The following PODXL variants were observed in gnomAD, a reference collection of about 807,000 sequenced individuals.
The protein encoded by PODXL is podocalyxin.
PODXL carries 20 observed loss-of-function variants against 48.9 expected under a neutral mutation model. The observed-to-expected ratio is 0.41, with a 90% CI of 0.29 to 0.59. The LOEUF is 0.59. Ranked by LOEUF, PODXL falls within the 20% of genes least tolerant of loss-of-function variation. The pLI, the probability that PODXL is intolerant of heterozygous loss-of-function variation, is 0.31. For synonymous variants in PODXL, 295 were observed against 287.4 expected (o/e 1.03, Z -0.27); for missense variants, 606 against 675.1 (o/e 0.90, Z 1.13).
Position 131,504,290 on chromosome 7 carries a change from G to A in PODXL, c.*21C>T. ...TGGTCTGGAGCTCTGTGGTGCTGCTGGAGGCCACCGGCAGACCGGACTAGA... is the reference window on the plus strand; with the variant it reads ...TGGTCTGGAGCTCTGTGGTGCTGCTAGAGGCCACCGGCAGACCGGACTAGA... On this transcript the variant is annotated 3_prime_UTR_variant, in exon 9 of 9. Transcript: ENST00000378555. 1 of 1,608,980 alleles carries A rather than the reference G, an allele frequency of 6.2e-7. No individual in the cohort carries two copies. The highest frequency in any genetic ancestry group is 8.5e-7 in the Non-Finnish European group (1 of 1,176,008).
chr7:131,548,238 G>A (rs889579274), intron 1 of PODXL, among the ~76,000 whole-genome samples: 4 of 152,248 alleles, frequency 2.6e-5, no homozygotes, highest in African/African-American at 9.6e-5. Flanking sequence ...TGAGGACAGA[G>A]GGCAGCTACA....
At position 131,524,379 on chromosome 7, in the gene PODXL, C is replaced by CACAGAGAGAGAGAG. The variant is rs746255906; in HGVS notation, c.101-12947_101-12946insCTCTCTCTCTCTGT. ...ACACACACGCACACACACACACACA[C>CACAGAGAGAGAGAG]AGAGAGAGAGAGAGAGAGAGAGAGA... On this transcript the variant is annotated intron_variant, in intron 1 of 8. Coordinates refer to ENST00000378555, the MANE Select transcript of PODXL (RefSeq NM_001018111.3). Among the ~76,000 whole-genome samples the CACAGAGAGAGAGAG allele has an allele frequency of 3.2e-3, 328 of 104,090 alleles. 2 individuals carry two copies. The highest frequency in any genetic ancestry group is 4.9e-3 in the East Asian group (18 of 3,670). 68.3% of individuals were successfully genotyped at this position (104,090 alleles called of 152,430 possible). A position where few individuals can be genotyped will look rare whatever the true frequency, so the allele number is the denominator to read the frequency against.
At chr7:131,506,769 A>G in intron 5 of PODXL, 43 bp from the exon 6 acceptor site, 1 of 1,595,558 alleles carries the variant, frequency 6.3e-7, no homozygotes, top group South Asian at 1.1e-5. Context: ...GGAGCGTGAC[A>G]GCAGCCTAGG....
In PODXL at chr7:131,509,441, G is replaced by C. The variant is rs749475917; in HGVS notation, c.947C>G (p.Ser316Cys). ...GGTAGTTGATGCTGCTGTGGGGCTG[G>C]AGCTCATGGTCTCTGGCAGGGTAGG... Reference protein sequence around the residue: ...RTPTLPETMSSSPTAASTTHR... With the variant: ...RTPTLPETMSCSPTAASTTHR... Residue 316 changes from serine (S) to cysteine (C), a missense_variant, in exon 4 of 9, where the codon TCC (serine) becomes TGC (cysteine). Transcript: ENST00000378555. The C allele has an allele frequency of 2.5e-6, 4 of 1,614,014 alleles. No individual in the cohort carries two copies. Among genetic ancestry groups the C allele is most frequent in the East Asian group, 2.2e-5 (1 of 44,884 alleles).
At chr7:131,553,998 G>T (rs1798706577) in intron 1 of PODXL, among the ~76,000 whole-genome samples, 2 of 152,192 alleles carry the variant, frequency 1.3e-5, no homozygotes, top group Non-Finnish European at 2.9e-5. Context: ...CCATATATTG[G>T]AAGGTAAGCT....
chr7:131,540,951 G>A (rs536882605), intron 1 of PODXL, among the ~76,000 whole-genome samples: 2 of 152,308 alleles, frequency 1.3e-5, no homozygotes, highest in East Asian at 1.9e-4. Flanking sequence ...ATCTGCTTCC[G>A]TCTGGTGGAC....
chr7:131,501,916 C>G lies in PODXL; in HGVS notation c.*2395G>C, dbSNP rs974961094. 2 of 152,148 alleles carry G rather than the reference C, an allele frequency of 1.3e-5. No homozygotes were observed. Among genetic ancestry groups the G allele is most frequent in the South Asian group, 4.1e-4 (2 of 4,828 alleles). The allele number at this position is 152,148 out of a possible 1,614,324, so 9.4% of individuals were successfully genotyped here. A position where few individuals can be genotyped will look rare whatever the true frequency, so the allele number is the denominator to read the frequency against. On this transcript the variant is annotated 3_prime_UTR_variant, in exon 9 of 9. Transcript: ENST00000378555. ...TAAGCCTAGACTAACACAGTTTGGA[C>G]GAATATAAAGCAGTAACCTCTGAAT... is the stretch of plus-strand genomic sequence containing the variant.
chr7:131,539,798 C>G (rs1465291771), intron 1 of PODXL, among the ~76,000 whole-genome samples: 1 of 152,158 alleles, frequency 6.6e-6, no homozygotes, highest in Non-Finnish European at 1.5e-5. Flanking sequence ...CTGGTACACT[C>G]GGGGCAGCTC....
At chr7:131,521,897 T>A (rs1798098172) in intron 1 of PODXL, among the ~76,000 whole-genome samples, 1 of 152,084 alleles carries the variant, frequency 6.6e-6, no homozygotes, top group African/African-American at 2.4e-5. Flanking sequence ...TGGAGGTCAG[T>A]AAAATCTACA....
chr7:131,556,193 A>C, intron 1 of PODXL, 67 bp downstream of exon 1: 1 of 1,372,440 alleles, frequency 7.3e-7, no homozygotes, highest in South Asian at 1.7e-5. Context: ...GCTTCCCTGC[A>C]GCTCGGCCGG....
At chr7:131,546,030 C>T (rs988048116) in intron 1 of PODXL, among the ~76,000 whole-genome samples, 3 of 152,196 alleles carry the variant, frequency 2.0e-5, no homozygotes, top group Non-Finnish European at 2.9e-5. Flanking sequence ...ACTTTTCGGC[C>T]TTGTGAGGAA....
At chr7:131,509,142 T>G in intron 4 of PODXL, 114 bp from the exon 5 acceptor site, 1 of 1,003,544 alleles carries the variant, frequency 1.0e-6, no homozygotes, top group East Asian at 2.4e-5. Context: ...GCTGGAGGCA[T>G]GGCTGGACCC....
intron 1 of PODXL, among the ~76,000 whole-genome samples, chr7:131,543,632 A>G (rs765583010): frequency 1.3e-5 from 2 of 152,112 alleles, no homozygotes; most frequent in Non-Finnish European, 2.9e-5. Context: ...GCAGCTCTCC[A>G]ATCCTGTGGG....
intron 1 of PODXL, among the ~76,000 whole-genome samples, chr7:131,517,782 A>T (rs373518155): frequency 1.3e-5 from 2 of 151,314 alleles, no homozygotes; most frequent in African/African-American, 4.9e-5. Context: ...TCTGTCACCC[A>T]GGCTGGAGTA....
At chr7:131,537,325 C>G (rs2116846018) in intron 1 of PODXL, among the ~76,000 whole-genome samples, 1 of 132,884 alleles carries the variant, frequency 7.5e-6, no homozygotes, top group Admixed American at 8.3e-5. Context: ...AAAAAAAAAG[C>G]CAAGCACGGT....
chr7:131,539,501 T>A (rs1156244837), intron 1 of PODXL, among the ~76,000 whole-genome samples: 2 of 152,134 alleles, frequency 1.3e-5, no homozygotes, highest in Non-Finnish European at 2.9e-5. Context: ...CAGCTCATTT[T>A]TGTATTTTTA....
intron 5 of PODXL, 152 bp from the exon 6 acceptor site, chr7:131,506,878 GC>G: frequency 1.3e-6 from 1 of 749,710 alleles, no homozygotes; most frequent in Non-Finnish European, 2.2e-6. Context: ...ACGCAGGCCT[GC>G]CAGGAATCAA....
At chr7:131,530,285 G>A (rs982536473) in intron 1 of PODXL, among the ~76,000 whole-genome samples, 3 of 152,156 alleles carry the variant, frequency 2.0e-5, no homozygotes, top group African/African-American at 7.2e-5. Flanking sequence ...ATCAGTAAGG[G>A]ACCTGGGGCT....
At chr7:131,536,874 C>T (rs1798384041) in intron 1 of PODXL, among the ~76,000 whole-genome samples, 1 of 152,206 alleles carries the variant, frequency 6.6e-6, no homozygotes, top group South Asian at 2.1e-4. Flanking sequence ...CCTGCAATCC[C>T]AGCACTTTGG....
Sources: allele counts gnomAD v4.1 joint callset (sites outside exome capture counted in the v4.1 genomes callset), GRCh38; gene constraint gnomAD v4.1.1; transcripts MANE v1.5; gene names NCBI Gene and HGNC (gene_info 2026-07-23, HGNC 2026-07-21).